SPAG5: variants seen among roughly 807,000 people sequenced by gnomAD.
The protein encoded by SPAG5 is sperm-associated antigen 5.
A neutral mutation model predicts 145.4 loss-of-function variants in SPAG5; 99 were observed. That is an observed-to-expected ratio of 0.68 (90% confidence interval 0.58 to 0.80). The LOEUF (loss-of-function observed/expected upper bound fraction) is 0.80, where lower values mean the gene tolerates loss of function less well. Ranked by LOEUF, SPAG5 falls within the 30% of genes least tolerant of loss-of-function variation. The probability of loss-of-function intolerance (pLI) is 0.00; values close to 1 mark genes in which losing one functional copy is unlikely to be tolerated. For synonymous variants in SPAG5, 477 were observed against 525.4 expected, an observed-to-expected ratio of 0.91 and a Z score of 1.26; for missense variants, 1,192 against 1,416.0, an observed-to-expected ratio of 0.84 and a Z score of 2.54.
rs2070572365 is a variant in SPAG5, at chr17:28,584,697, C to T, written c.2116G>A (p.Gly706Ser). 6.2e-7 allele frequency: 1 copy of T among 1,614,174 alleles called. No homozygotes were observed. The highest frequency in any genetic ancestry group is 8.5e-7 in the Non-Finnish European group (1 of 1,180,020). Residue 706 changes from glycine (G) to serine (S), a missense_variant, in exon 11 of 24, where the codon GGC becomes AGC. Around this residue, in one of 5 missense-constraint regions of SPAG5, gnomAD observed 709 missense variants for 840.7 expected, o/e 0.84. Coordinates refer to ENST00000321765, the MANE Select transcript of SPAG5 (RefSeq NM_006461.4). ...TCCAACTCCAGTTGTTCTGTTTGGC[C>T]TTTGCACTCCTCTAACTGGGCAGAG... ...QVSAQLEECKGQTEQLELENS... is the reference protein window; with the variant it reads ...QVSAQLEECKSQTEQLELENS...
intron 2 of SPAG5, among the ~76,000 whole-genome samples, chr17:28,594,325 G>A (rs969986497): frequency 2.0e-5 from 3 of 152,244 alleles, no homozygotes; most frequent in Non-Finnish European, 4.4e-5. Flanking sequence ...ACCGGGCGCA[G>A]TGGCTCACGC....
chr17:28,577,637 G>C lies in SPAG5; in HGVS notation c.*62C>G. On this transcript the variant is annotated 3_prime_UTR_variant, in exon 24 of 24. Coordinates refer to ENST00000321765, the MANE Select transcript of SPAG5 (RefSeq NM_006461.4). ...GTTGGCTCTATGCCAGTTGGTCTTG[G>C]TATTGGGGTAAGGGGGTATTGCAGG... 1.8e-6 allele frequency: 2 copies of C among 1,126,842 alleles called. No homozygotes were observed. The highest frequency in any genetic ancestry group is 2.7e-6 in the Non-Finnish European group (2 of 735,834). The allele number at this position is 1,126,842 out of a possible 1,614,324, so 69.8% of individuals were successfully genotyped here. A position where few individuals can be genotyped will look rare whatever the true frequency, so the allele number is the denominator to read the frequency against.
intron 7 of SPAG5, 41 bp downstream of exon 7, chr17:28,585,823 G>A (rs760728746): frequency 1.1e-5 from 17 of 1,613,692 alleles, no homozygotes; most frequent in Non-Finnish European, 1.4e-5. Flanking sequence ...ACCTTGAGGT[G>A]GAAACCTCCC....
At chr17:28,594,441 A>G (rs1045063854) in intron 2 of SPAG5, among the ~76,000 whole-genome samples, 3 of 152,100 alleles carry the variant, frequency 2.0e-5, no homozygotes, top group Non-Finnish European at 4.4e-5. Flanking sequence ...TAAAAATACA[A>G]AAAATTAGCT....
chr17:28,578,322 C>A (rs760387636), intron 21 of SPAG5, 30 bp from the exon 22 acceptor site: 1 of 1,614,082 alleles, frequency 6.2e-7, no homozygotes, highest in Non-Finnish European at 8.5e-7. Flanking sequence ...AACAGGGGTA[C>A]AGCCTGGGGT....
chr17:28,588,750 C>T (rs1483905210), intron 4 of SPAG5, among the ~76,000 whole-genome samples: 1 of 152,140 alleles, frequency 6.6e-6, no homozygotes. Flanking sequence ...TGGGTGATCT[C>T]GGCTCACTGC....
At chr17:28,578,978 A>G (rs2070528948) in intron 19 of SPAG5, among the ~76,000 whole-genome samples, 163 bp downstream of exon 19, 1 of 152,214 alleles carries the variant, frequency 6.6e-6, no homozygotes, top group Non-Finnish European at 1.5e-5. Flanking sequence ...AAGACAGGTC[A>G]GCCCATAGCT....
intron 4 of SPAG5, among the ~76,000 whole-genome samples, chr17:28,589,866 C>T (rs994983529): frequency 2.0e-5 from 3 of 152,106 alleles, no homozygotes; most frequent in African/African-American, 4.8e-5. Context: ...GAGCCCTGAT[C>T]GCAACATGGT....
At chr17:28,593,120 T>C (rs933169310) in intron 2 of SPAG5, 54 bp from the exon 3 acceptor site, 3 of 1,580,668 alleles carry the variant, frequency 1.9e-6, no homozygotes, top group Middle Eastern at 1.7e-4. Flanking sequence ...GTTCCCGACA[T>C]ACAATTACAG....
Position 28,584,452 on chromosome 17 carries a change from G to A in SPAG5, c.2190C>T (p.Ala730=). The part of the protein sequence containing the change: ...TDLRAQLQIL[A]NMDSQLKELQ... ...GCTCTTTTAGCTGGCTGTCCATGTT[G>A]GCCAGAATCTGCAACTGAGCCCGGA... Residue 730 remains alanine (A), a synonymous_variant, in exon 12 of 24, where the codon GCC becomes GCT. Coordinates refer to ENST00000321765, the MANE Select transcript of SPAG5 (RefSeq NM_006461.4). The A allele has an allele frequency of 6.2e-7, 1 of 1,613,952 alleles. No homozygotes were observed. The highest frequency in any genetic ancestry group is 1.1e-5 in the South Asian group (1 of 91,080).
chr17:28,583,922 G>T lies in SPAG5; in HGVS notation c.2477C>A (p.Thr826Asn). 1.9e-6 allele frequency: 3 copies of T among 1,614,168 alleles called. No individual in the cohort carries two copies. The highest frequency in any genetic ancestry group is 2.5e-6 in the Non-Finnish European group (3 of 1,180,032). The change falls in exon 14 of 24, where the codon ACC becomes AAC. Residue 826 changes from threonine (T) to asparagine (N), a missense_variant. Thr to Asn is a moderately conservative substitution (Grantham distance 65). This residue lies in a region of SPAG5 where 709 missense variants were observed against 840.7 expected (regional missense o/e 0.84). Transcript: ENST00000321765. ...GCGCTCCCGGAGCACTTCCAGTGTGGTTTTCAATTGACACTCAACCTGACC... is the reference window on the plus strand; with the variant it reads ...GCGCTCCCGGAGCACTTCCAGTGTGTTTTTCAATTGACACTCAACCTGACC... ...ELGQVECQLK[T>N]TLEVLRERSL...
chr17:28,577,597 A>G lies in SPAG5; in HGVS notation c.*102T>C. 1 of 796,188 alleles carries G rather than the reference A, an allele frequency of 1.3e-6. No individual in the cohort carries two copies. The highest frequency in any genetic ancestry group is 1.4e-5 in the South Asian group (1 of 69,626). 49.3% of individuals were successfully genotyped at this position (796,188 alleles called of 1,614,324 possible). A position where few individuals can be genotyped will look rare whatever the true frequency, so the allele number is the denominator to read the frequency against. On this transcript the variant is annotated 3_prime_UTR_variant, in exon 24 of 24. Coordinates refer to ENST00000321765, the MANE Select transcript of SPAG5 (RefSeq NM_006461.4). ...AATTCATTAAATACACTTTATTTAA[A>G]TAGCATTTATCTCAGTTGGCTCTAT... is the stretch of plus-strand genomic sequence containing the variant.
rs537988359 is a variant in SPAG5 at position 28,583,503 on chromosome 17, G to T, written c.2685+8C>A. On this transcript the variant is annotated splice_region_variant and intron_variant, in intron 15 of 23. Transcript: ENST00000321765. ...TGGAAGAGAAGAGAAGGAACCCCAG[G>T]ATCCTACCTTCTCCTTTAGTTTTGT... 25 of 1,578,378 alleles carry T rather than the reference G, an allele frequency of 1.6e-5. No homozygotes were observed. The South Asian group carries it at 2.8e-4, about 18-fold the overall frequency.
In SPAG5 at chr17:28,578,319, G is replaced by T. The variant is rs200720245; in HGVS notation, c.3355-27C>A. The T allele has an allele frequency of 1.7e-3, 2,816 of 1,614,022 alleles. 5 individuals are homozygous for T. Among genetic ancestry groups the T allele is most frequent in the Middle Eastern group, 5.9e-3 (36 of 6,062 alleles). The stretch of plus-strand genomic sequence containing the variant: ...TAGAAATATGTCCAGATCAACAGGG[G>T]TACAGCCTGGGGTCCCCACCTGCTG... On this transcript the variant is annotated intron_variant, in intron 21 of 23. Coordinates refer to ENST00000321765, the MANE Select transcript of SPAG5 (RefSeq NM_006461.4).
intron 15 of SPAG5, among the ~76,000 whole-genome samples, chr17:28,582,462 A>G (rs930608606): frequency 1.3e-5 from 2 of 152,132 alleles, no homozygotes; most frequent in Non-Finnish European, 2.9e-5. Flanking sequence ...GACTGTACCC[A>G]AGGTCAGCTG....
Position 28,592,653 on chromosome 17 carries a change from A to G in SPAG5, c.591T>C (p.Ser197=). ...AVSEKPIFQE[S]PSHLLEESPP... is the part of the protein sequence containing the mutation. ...GAGACTCCTCTAAGAGATGGGACGG[A>G]GATTCCTGAAAGATAGGTTTCTCAG... is the stretch of plus-strand genomic sequence containing the variant. Residue 197 remains serine (S), a synonymous_variant, in exon 3 of 24, where the codon TCT becomes TCC. Coordinates refer to ENST00000321765, the MANE Select transcript of SPAG5 (RefSeq NM_006461.4). 1 of 1,614,148 alleles carries G rather than the reference A, an allele frequency of 6.2e-7. No homozygotes were observed. The highest frequency in any genetic ancestry group is 8.5e-7 in the Non-Finnish European group (1 of 1,180,026).
intron 8 of SPAG5, 27 bp downstream of exon 8, chr17:28,585,507 C>G (rs764831110): frequency 6.2e-7 from 1 of 1,613,796 alleles, no homozygotes; most frequent in Non-Finnish European, 8.5e-7. Flanking sequence ...AGCACAGACC[C>G]CAGGAAAGAA....
intron 18 of SPAG5, 49 bp downstream of exon 18, chr17:28,579,316 A>G (rs1349887162): frequency 5.0e-6 from 8 of 1,613,758 alleles, no homozygotes; most frequent in African/African-American, 1.3e-5. Flanking sequence ...CCCTTGGCAT[A>G]AGAGGATGTC....
At chr17:28,580,783 G>C (rs2070544992) in intron 15 of SPAG5, 1 of 152,142 alleles carries the variant, frequency 6.6e-6, no homozygotes, top group Non-Finnish European at 1.5e-5. Context: ...TTCATTCCCA[G>C]GGTGGCCTTG....
Sources: gnomAD v4.1 joint callset for allele counts (sites outside exome capture counted in the v4.1 genomes callset) on GRCh38, gnomAD v4.1.1 for gene constraint, gnomAD v4.1.1 regional missense constraint, MANE v1.5 for transcripts, NCBI Gene and HGNC (gene_info 2026-07-23, HGNC 2026-07-21) for gene names.